Variants in NUDT4 observed in about 807,000 individuals in gnomAD.
NUDT4 encodes diphosphoinositol polyphosphate phosphohydrolase 2.
NUDT4 carries 5 observed loss-of-function variants against 23.1 expected under a neutral mutation model. The observed-to-expected ratio is 0.22, with a 90% CI of 0.11 to 0.46. The LOEUF (loss-of-function observed/expected upper bound fraction) is 0.46. NUDT4 is among the 20% of genes least tolerant of loss of function. NUDT4 has a pLI of 0.99. For missense variants in NUDT4, 96 were observed against 211.6 expected, an observed-to-expected ratio of 0.45 and a Z score of 3.39; for synonymous variants, 50 against 79.0, an observed-to-expected ratio of 0.63 and a Z score of 1.95.
intron 1 of NUDT4, among the ~76,000 whole-genome samples, chr12:93,383,469 C>CAT (rs77091432): frequency 0.28 from 42,594 of 151,972 alleles, 6,345 homozygotes; most frequent in East Asian, 0.54. Flanking sequence ...ATTAGGTTAA[C>CAT]GTAGTTTCAA....
At chr12:93,380,157 GA>G (rs1414877838) in intron 1 of NUDT4, among the ~76,000 whole-genome samples, 1 of 152,142 alleles carries the variant, frequency 6.6e-6, no homozygotes, top group African/African-American at 2.4e-5. Context: ...TTGAGTGAGT[GA>G]GATTTTTGTG....
At chr12:93,396,297 G>T (rs1289594253) in intron 3 of NUDT4, among the ~76,000 whole-genome samples, 1 of 152,116 alleles carries the variant, frequency 6.6e-6, no homozygotes, top group African/African-American at 2.4e-5. Flanking sequence ...GATGCTAAAA[G>T]AATAGAATTC....
intron 1 of NUDT4, among the ~76,000 whole-genome samples, chr12:93,387,811 A>G (rs1456796024): frequency 6.6e-6 from 1 of 152,126 alleles, no homozygotes; most frequent in Non-Finnish European, 1.5e-5. Flanking sequence ...GGTTGGGGGC[A>G]GGCAGGGGAC....
rs118189954 is a variant in NUDT4, at chr12:93,397,148, T to C, written c.255+1615T>C. Among the ~76,000 whole-genome samples, 15 of 152,174 alleles carry C rather than the reference T, an allele frequency of 9.9e-5. No individual in the cohort carries two copies. In the East Asian group the frequency reaches 2.7e-3, roughly 27 times the overall value. ...AAAAAATACCTTTCCCCTTAGAAAA[T>C]ATAAGGGAAAATTGGATTGCCCTGC... On this transcript the variant is annotated intron_variant, in intron 3 of 4. Coordinates refer to ENST00000415493, the MANE Select transcript of NUDT4 (RefSeq NM_019094.6).
chr12:93,387,369 A>G (rs749219909), intron 1 of NUDT4, among the ~76,000 whole-genome samples: 2 of 152,340 alleles, frequency 1.3e-5, no homozygotes, highest in South Asian at 4.1e-4. Context: ...AATTCAACAG[A>G]AAAGCTGTAA....
chr12:93,378,797 G>A, intron 1 of NUDT4: 7 of 1,003,602 alleles, frequency 7.0e-6, no homozygotes, highest in Non-Finnish European at 8.3e-6. Context: ...TGGCGTGAGT[G>A]TTGCAGCAGA....
chr12:93,392,146 G>A (rs978341364), intron 1 of NUDT4, among the ~76,000 whole-genome samples: 1 of 151,532 alleles, frequency 6.6e-6, no homozygotes, highest in East Asian at 2.0e-4. Context: ...GCCTCCCAAA[G>A]TGCTGGGATT....
chr12:93,405,230 C>G lies in NUDT4; in HGVS notation c.*5851C>G, dbSNP rs901309950. On this transcript the variant is annotated 3_prime_UTR_variant, in exon 5 of 5. Coordinates refer to ENST00000415493, the MANE Select transcript of NUDT4 (RefSeq NM_019094.6). The stretch of plus-strand genomic sequence containing the variant: ...TAAGCCAGGAGACTTTGTAAACTTA[C>G]TAGGTTATAATAAAACTTAAGAACT... The G allele has an allele frequency of 4.6e-5, 7 of 152,116 alleles. No homozygotes were observed. The highest frequency in any genetic ancestry group is 1.7e-4 in the African/African-American group (7 of 41,406). 9.4% of individuals were successfully genotyped at this position (152,116 alleles called of 1,614,324 possible).
At chr12:93,384,349 A>T (rs1436689357) in intron 1 of NUDT4, among the ~76,000 whole-genome samples, 1 of 152,008 alleles carries the variant, frequency 6.6e-6, no homozygotes, top group Non-Finnish European at 1.5e-5. Context: ...TTGTATTTTT[A>T]GTAGAGACGG....
Position 93,405,155 on chromosome 12 carries a change from C to T in NUDT4, c.*5776C>T, listed in dbSNP as rs886208543. ...ACCAAGTTCAATCTAGTGCAATCAG[C>T]CTATCACATCTAAGCTGCTTTTGCC... On this transcript the variant is annotated 3_prime_UTR_variant, in exon 5 of 5. Transcript: ENST00000415493. 6.6e-6 allele frequency: 1 copy of T among 152,148 alleles called. No homozygotes were observed. The highest frequency in any genetic ancestry group is 1.5e-5 in the Non-Finnish European group (1 of 68,012). 9.4% of individuals were successfully genotyped at this position (152,148 alleles called of 1,614,324 possible). A position where few individuals can be genotyped will look rare whatever the true frequency, so the allele number is the denominator to read the frequency against.
In NUDT4 at chr12:93,403,260, C is replaced by CA. The variant is rs1474298669; in HGVS notation, c.*3884dup. 1 of 152,168 alleles carries CA rather than the reference C, an allele frequency of 6.6e-6. No individual in the cohort carries two copies. The highest frequency in any genetic ancestry group is 1.5e-5 in the Non-Finnish European group (1 of 68,018). 9.4% of individuals were successfully genotyped at this position (152,168 alleles called of 1,614,324 possible). On this transcript the variant is annotated 3_prime_UTR_variant, in exon 5 of 5. Transcript: ENST00000415493. ...AGAGCACAAAACAATTTTCTAATCT[C>CA]AAAGAGCTTATATTCTAGTGGGGTA... is the stretch of plus-strand genomic sequence containing the variant.
intron 1 of NUDT4, among the ~76,000 whole-genome samples, chr12:93,385,970 T>TATATATAC (rs1243696865): frequency 0.01 from 1,197 of 118,500 alleles, 14 homozygotes; most frequent in East Asian, 0.028. Flanking sequence ...TATATATATA[T>TATATATAC]ACATAATTTT....
At chr12:93,389,839 G>T (rs1876361817) in intron 1 of NUDT4, among the ~76,000 whole-genome samples, 1 of 151,876 alleles carries the variant, frequency 6.6e-6, no homozygotes, top group Non-Finnish European at 1.5e-5. Flanking sequence ...GGCGGAGGTT[G>T]CAGTGAGCCG....
chr12:93,382,041 G>T (rs780345504), intron 1 of NUDT4, among the ~76,000 whole-genome samples: 6 of 152,184 alleles, frequency 3.9e-5, no homozygotes, highest in Non-Finnish European at 7.4e-5. Flanking sequence ...CAGATCACCT[G>T]AAGTCAAGTG....
intron 4 of NUDT4, 86 bp downstream of exon 4, chr12:93,398,941 T>G: frequency 2.0e-6 from 2 of 991,504 alleles, no homozygotes; most frequent in Non-Finnish European, 3.0e-6. Context: ...CCTTTTGTTA[T>G]CTGAATACTC....
intron 3 of NUDT4, among the ~76,000 whole-genome samples, chr12:93,398,548 C>CGT (rs1439011753): frequency 2.6e-5 from 4 of 152,156 alleles, no homozygotes; most frequent in Non-Finnish European, 5.9e-5. Flanking sequence ...ATTTCACCAC[C>CGT]AGTAATGATG....
chr12:93,388,941 C>T (rs535088915), intron 1 of NUDT4, among the ~76,000 whole-genome samples: 65 of 152,244 alleles, frequency 4.3e-4, no homozygotes, highest in African/African-American at 1.6e-3. Flanking sequence ...TCAAAAGTAG[C>T]AGAGTTTAGG....
chr12:93,405,185 C>A lies in NUDT4; in HGVS notation c.*5806C>A, dbSNP rs1360580934. The A allele has an allele frequency of 6.6e-6, 1 of 152,098 alleles. No homozygotes were observed. Among genetic ancestry groups the A allele is most frequent in the Non-Finnish European group, 1.5e-5 (1 of 68,036 alleles). The allele number at this position is 152,098 out of a possible 1,614,324, so 9.4% of individuals were successfully genotyped here. A position where few individuals can be genotyped will look rare whatever the true frequency, so the allele number is the denominator to read the frequency against. ...CACATCTAAGCTGCTTTTGCCAGATCTGATATCTACTCCCGACCTTAAGCC... is the reference window on the plus strand; with the variant it reads ...CACATCTAAGCTGCTTTTGCCAGATATGATATCTACTCCCGACCTTAAGCC... On this transcript the variant is annotated 3_prime_UTR_variant, in exon 5 of 5. Transcript: ENST00000415493.
chr12:93,378,463 G>T, intron 1 of NUDT4, 42 bp downstream of exon 1: 1 of 1,508,388 alleles, frequency 6.6e-7, no homozygotes, highest in Non-Finnish European at 8.9e-7. Context: ...GGGGCGCCGG[G>T]GTCTAGGGCC....
Sources: gnomAD v4.1 joint callset for allele counts (sites outside exome capture counted in the v4.1 genomes callset) on GRCh38, gnomAD v4.1.1 for gene constraint, MANE v1.5 for transcripts, NCBI Gene and HGNC (gene_info 2026-07-23, HGNC 2026-07-21) for gene names.